Variants in ZBTB20 observed in about 807,000 individuals in gnomAD.
ZBTB20 encodes zinc finger and BTB domain-containing protein 20.
Under a neutral mutation model 56.9 loss-of-function variants are expected in ZBTB20, and 9 were observed. The ratio of observed to expected loss-of-function variants is 0.16; its 90% CI spans 0.10 to 0.28. ZBTB20 has a LOEUF of 0.28. ZBTB20 is among the 10% of genes least tolerant of loss of function. The probability of loss-of-function intolerance (pLI) is 1.00; values close to 1 mark genes in which losing one functional copy is unlikely to be tolerated. For missense variants in ZBTB20, 655 were observed against 1,003.0 expected (o/e 0.65, Z 4.69); for synonymous variants, 417 against 420.7 (o/e 0.99, Z 0.11).
chr3:114,370,854 T>C (rs2082919958), intron 10 of ZBTB20, among the ~76,000 whole-genome samples: 1 of 152,216 alleles, frequency 6.6e-6, no homozygotes, highest in African/African-American at 2.4e-5. Context: ...ATGCTTTTCA[T>C]CTTTACTTGA....
At chr3:114,915,217 A>T (rs2075698398) in intron 3 of ZBTB20, among the ~76,000 whole-genome samples, 1 of 151,730 alleles carries the variant, frequency 6.6e-6, no homozygotes, top group Non-Finnish European at 1.5e-5. Flanking sequence ...TCCTTTGCTG[A>T]AGGACTTTTT....
intron 1 of ZBTB20, among the ~76,000 whole-genome samples, chr3:115,097,203 G>A (rs774669554): frequency 6.6e-5 from 10 of 152,080 alleles, no homozygotes; most frequent in Non-Finnish European, 8.8e-5. Context: ...GTTTTGAGAC[G>A]TAGTCTCGCT....
intron 3 of ZBTB20, among the ~76,000 whole-genome samples, chr3:114,938,588 C>T (rs576638347): frequency 6.9e-6 from 1 of 145,888 alleles, no homozygotes; most frequent in Admixed American, 6.6e-5. Context: ...AACCAAACAC[C>T]GCATGTTCGC....
chr3:114,804,580 T>C (rs1345525475), intron 4 of ZBTB20, among the ~76,000 whole-genome samples: 1 of 151,968 alleles, frequency 6.6e-6, no homozygotes, highest in African/African-American at 2.4e-5. Flanking sequence ...CATAGAAGGC[T>C]AATTATAATA....
intron 6 of ZBTB20, chr3:114,519,686 G>T (rs2046413632): frequency 6.6e-6 from 1 of 152,114 alleles, no homozygotes; most frequent in African/African-American, 2.4e-5. Context: ...CATTGTGATT[G>T]GTGGGAAAGA....
At chr3:114,899,282 T>A (rs2075012508) in intron 4 of ZBTB20, among the ~76,000 whole-genome samples, 1 of 152,124 alleles carries the variant, frequency 6.6e-6, no homozygotes, top group Non-Finnish European at 1.5e-5. Flanking sequence ...ACCCTTAAAT[T>A]TTCTGAATAT....
In ZBTB20 at chr3:114,380,297, G is replaced by C. The variant is rs1195889477; in HGVS notation, c.119C>G (p.Ala40Gly). 6.5e-7 allele frequency: 1 copy of C among 1,537,058 alleles called. No homozygotes were observed. The highest frequency in any genetic ancestry group is 2.4e-5 in the East Asian group (1 of 40,914). Reference sequence around the variant, plus strand: ...GAGGGCTGGGTCTGGAGACAAAACAGCTTCAAAGTTCAGGCAGGGAAGGCC... The same window carrying C: ...GAGGGCTGGGTCTGGAGACAAAACACCTTCAAAGTTCAGGCAGGGAAGGCC... ...KPGLPCLNFE[A>G]VLSPDPALIH... is the part of the protein sequence containing the mutation. Residue 40 changes from alanine (A) to glycine (G), a missense_variant, in exon 10 of 12, where the codon GCT (alanine) becomes GGT (glycine). Physicochemically the swap from Ala to Gly is moderately conservative, Grantham distance 60 (BLOSUM62 0). This residue lies in a region of ZBTB20 where 79 missense variants were observed against 78.4 expected (regional missense o/e 1.01). Transcript: ENST00000675478.
chr3:114,609,728 C>T (rs928490163), intron 6 of ZBTB20, among the ~76,000 whole-genome samples: 2 of 152,042 alleles, frequency 1.3e-5, no homozygotes, highest in Non-Finnish European at 2.9e-5. Context: ...TGGGGTAGGG[C>T]CTGAAAGACA....
chr3:115,092,515 A>G (rs1197303530), intron 1 of ZBTB20, among the ~76,000 whole-genome samples: 2 of 152,154 alleles, frequency 1.3e-5, no homozygotes, highest in Admixed American at 1.3e-4. Flanking sequence ...TAGAAATAGG[A>G]CATATTCTCT....
In ZBTB20 at chr3:114,332,550, A is replaced by G. The variant is rs1560077369; in HGVS notation, c.*6455T>C. The G allele has an allele frequency of 6.6e-6, 1 of 152,174 alleles. No homozygotes were observed. The highest frequency in any genetic ancestry group is 6.5e-5 in the Admixed American group (1 of 15,276). 9.4% of individuals were successfully genotyped at this position (152,174 alleles called of 1,614,324 possible). ...CTATCTGAGAGTACCCAGTTCTAGG[A>G]AAGTTTGGTGCCTCCTCAAGAAGTC... On this transcript the variant is annotated 3_prime_UTR_variant, in exon 12 of 12. Transcript: ENST00000675478.
At chr3:114,631,124 T>C (rs1411873556) in intron 6 of ZBTB20, among the ~76,000 whole-genome samples, 2 of 152,066 alleles carry the variant, frequency 1.3e-5, no homozygotes, top group Non-Finnish European at 2.9e-5. Context: ...GTTTATAATT[T>C]ACTTAAGAAA....
intron 7 of ZBTB20, among the ~76,000 whole-genome samples, chr3:114,475,864 G>C (rs2040695387): frequency 6.6e-6 from 1 of 152,134 alleles, no homozygotes; most frequent in African/African-American, 2.4e-5. Context: ...GAATCATTTA[G>C]AAAAGTTTGA....
At chr3:114,805,685 G>C (rs2072051222) in intron 4 of ZBTB20, among the ~76,000 whole-genome samples, 1 of 151,652 alleles carries the variant, frequency 6.6e-6, no homozygotes, top group African/African-American at 2.4e-5. Context: ...TAAATTTAGA[G>C]TTGTATAACC....
At chr3:114,833,180 T>C (rs1324653923) in intron 4 of ZBTB20, among the ~76,000 whole-genome samples, 2 of 152,174 alleles carry the variant, frequency 1.3e-5, no homozygotes, top group African/African-American at 2.4e-5. Flanking sequence ...CTGGTTCACA[T>C]ATTTTGATTT....
At chr3:114,801,377 T>C (rs2071706019) in intron 4 of ZBTB20, among the ~76,000 whole-genome samples, 1 of 110,088 alleles carries the variant, frequency 9.1e-6, no homozygotes, top group African/African-American at 3.5e-5. Context: ...AGTTTTTTAA[T>C]GAAAAGAAAA....
intron 1 of ZBTB20, among the ~76,000 whole-genome samples, chr3:115,113,390 A>G (rs979504382): frequency 3.0e-4 from 45 of 152,332 alleles, no homozygotes; most frequent in African/African-American, 1.1e-3. Context: ...AAAAACTACA[A>G]TTCTTAGATG....
chr3:114,981,225 C>A (rs956040420), intron 2 of ZBTB20, among the ~76,000 whole-genome samples: 1 of 151,976 alleles, frequency 6.6e-6, no homozygotes. Flanking sequence ...TAGGAGATTG[C>A]ACTCATACAG....
chr3:114,348,160 T>C (rs1019175097), intron 11 of ZBTB20, among the ~76,000 whole-genome samples: 4 of 152,240 alleles, frequency 2.6e-5, no homozygotes, highest in African/African-American at 9.6e-5. Context: ...AATGTGTGAA[T>C]TTTACATCTG....
intron 7 of ZBTB20, among the ~76,000 whole-genome samples, chr3:114,417,708 T>C (rs1017814418): frequency 2.0e-5 from 3 of 152,080 alleles, no homozygotes; most frequent in Non-Finnish European, 2.9e-5. Flanking sequence ...CAGATGAATA[T>C]ACTCAATAGA....
Sources: allele counts gnomAD v4.1 joint callset (sites outside exome capture counted in the v4.1 genomes callset), GRCh38; gene constraint gnomAD v4.1.1; regional missense constraint gnomAD v4.1.1; transcripts MANE v1.5; gene names NCBI Gene and HGNC (gene_info 2026-07-23, HGNC 2026-07-21).